Variants in PRR16 observed in about 807,000 individuals in gnomAD.
PRR16 encodes proline rich 16.
In PRR16, 6 loss-of-function variants were observed where a neutral mutation model predicts 18.2. The observed-to-expected ratio is 0.33, with a 90% CI of 0.18 to 0.65. The LOEUF (loss-of-function observed/expected upper bound fraction) is 0.65. Ranked by LOEUF, PRR16 falls within the 30% of genes least tolerant of loss-of-function variation. The probability of loss-of-function intolerance (pLI) is 0.74; values close to 1 mark genes in which losing one functional copy is unlikely to be tolerated. For missense variants in PRR16, 412 were observed against 376.6 expected, an observed-to-expected ratio of 1.09 and a Z score of -0.78; for synonymous variants, 151 against 147.8, an observed-to-expected ratio of 1.02 and a Z score of -0.16.
chr5:120,478,858 A>G (rs1426242015), intron 1 of PRR16, among the ~76,000 whole-genome samples: 3 of 152,060 alleles, frequency 2.0e-5, no homozygotes, highest in Non-Finnish European at 4.4e-5. Context: ...CTGGAATATC[A>G]TGCATTTTTC....
chr5:120,465,343 G>A (rs956829151), intron 1 of PRR16, among the ~76,000 whole-genome samples: 7 of 152,334 alleles, frequency 4.6e-5, no homozygotes, highest in African/African-American at 1.4e-4. Flanking sequence ...CTTCCACCCT[G>A]TCGCCACTTG....
At chr5:120,785,176 GTTA>G in the PRR16 span, among the ~76,000 whole-genome samples, 19 of 152,158 alleles carry the variant, frequency 1.2e-4, no homozygotes, top group Admixed American at 7.2e-4. Flanking sequence ...GGCAGTATTG[GTTA>G]TTTTTTTTCC....
At position 120,686,684 on chromosome 5, in the gene PRR16, G is replaced by C. The variant is rs1229000094; in HGVS notation, c.890G>C (p.Arg297Thr). ...TAPKPQKTIL[R>T]KSTTTTV ...CCAAAACCACAGAAGACGATCTTGA[G>C]GAAGTCAACCACTACAACCGTGTGA... The change falls in exon 2 of 2, where the codon AGG becomes ACG. Residue 297 changes from arginine to threonine, a missense_variant. Arg to Thr is a moderately conservative substitution (Grantham distance 71). Transcript: ENST00000407149. 1.3e-6 allele frequency: 2 copies of C among 1,557,288 alleles called. No individual in the cohort carries two copies. Among genetic ancestry groups the C allele is most frequent in the South Asian group, 1.2e-5 (1 of 82,092 alleles).
chr5:120,670,585 A>C (rs1000220878), intron 1 of PRR16, among the ~76,000 whole-genome samples: 6 of 152,190 alleles, frequency 3.9e-5, no homozygotes, highest in African/African-American at 1.4e-4. Context: ...TGATTAAATC[A>C]GTCAGGAAGG....
At chr5:120,660,504 C>T (rs1413319619) in intron 1 of PRR16, among the ~76,000 whole-genome samples, 2 of 152,048 alleles carry the variant, frequency 1.3e-5, no homozygotes, top group Admixed American at 6.6e-5. Context: ...ATTATGAACA[C>T]TTTTAAGCAT....
At chr5:120,624,316 C>A (rs1372277233) in intron 1 of PRR16, among the ~76,000 whole-genome samples, 1 of 152,150 alleles carries the variant, frequency 6.6e-6, no homozygotes, top group Non-Finnish European at 1.5e-5. Flanking sequence ...GCTTGTTTCA[C>A]TCATATTTGA....
chr5:120,661,221 C>A (rs147497328), intron 1 of PRR16, among the ~76,000 whole-genome samples: 5,138 of 152,132 alleles, frequency 0.034, 145 homozygotes, highest in Middle Eastern at 0.15. Context: ...CACTTTACAG[C>A]AACCAGATAT....
chr5:120,704,184 G>A, the PRR16 span, among the ~76,000 whole-genome samples: 1 of 152,270 alleles, frequency 6.6e-6, no homozygotes, highest in South Asian at 2.1e-4. Flanking sequence ...AATTTTGTTG[G>A]TGGTGGAGAA....
At chr5:120,759,991 G>A in the PRR16 span, among the ~76,000 whole-genome samples, 9 of 152,228 alleles carry the variant, frequency 5.9e-5, no homozygotes, top group East Asian at 1.9e-4. Flanking sequence ...GTGTGTAAAA[G>A]GTGCTAATCT....
the PRR16 span, chr5:120,710,777 C>T: frequency 6.6e-6 from 1 of 152,188 alleles, no homozygotes; most frequent in African/African-American, 2.4e-5. Flanking sequence ...GAAAAGTTTT[C>T]AGTTAGCAAG....
At chr5:120,586,483 CT>C (rs1294229912) in intron 1 of PRR16, among the ~76,000 whole-genome samples, 6 of 151,370 alleles carry the variant, frequency 4.0e-5, no homozygotes, top group African/African-American at 1.5e-4. Context: ...TTTGTCAGCA[CT>C]TTTTTTTTCT....
intron 1 of PRR16, among the ~76,000 whole-genome samples, chr5:120,475,998 G>T (rs1749429577): frequency 6.6e-6 from 1 of 152,120 alleles, no homozygotes; most frequent in South Asian, 2.1e-4. Context: ...TTGCTGAGAA[G>T]AGGATTTTGA....
chr5:120,592,566 G>A (rs546995519), intron 1 of PRR16, among the ~76,000 whole-genome samples: 2 of 152,222 alleles, frequency 1.3e-5, no homozygotes, highest in African/African-American at 4.8e-5. Flanking sequence ...TTTTGTGGTG[G>A]TTTATTTCCA....
chr5:120,584,087 G>A (rs1753360760), intron 1 of PRR16, among the ~76,000 whole-genome samples: 1 of 152,104 alleles, frequency 6.6e-6, no homozygotes, highest in Admixed American at 6.6e-5. Context: ...AGCAAGGGAG[G>A]TCTTCTAGGC....
At chr5:120,579,363 T>G (rs754810757) in intron 1 of PRR16, among the ~76,000 whole-genome samples, 1 of 152,198 alleles carries the variant, frequency 6.6e-6, no homozygotes, top group Non-Finnish European at 1.5e-5. Context: ...TAGGTTTTCT[T>G]CTAGGGTTTT....
chr5:120,505,793 TGATATA>T (rs920367671), intron 1 of PRR16, among the ~76,000 whole-genome samples: 5 of 151,910 alleles, frequency 3.3e-5, no homozygotes, highest in African/African-American at 4.8e-5. Context: ...TACTTTAAAC[TGATATA>T]GATATATACA....
chr5:120,735,375 T>A, the PRR16 span, among the ~76,000 whole-genome samples: 1 of 152,184 alleles, frequency 6.6e-6, no homozygotes, highest in Non-Finnish European at 1.5e-5. Context: ...TGGATATACA[T>A]TCAAAAGTGG....
intron 1 of PRR16, among the ~76,000 whole-genome samples, chr5:120,633,339 C>A (rs967144702): frequency 7.2e-5 from 11 of 152,050 alleles, no homozygotes; most frequent in African/African-American, 2.7e-4. Flanking sequence ...AGGAAACAAA[C>A]AGCATGATGA....
chr5:120,552,978 G>T (rs1196613148), intron 1 of PRR16, among the ~76,000 whole-genome samples: 1 of 151,748 alleles, frequency 6.6e-6, no homozygotes, highest in Non-Finnish European at 1.5e-5. Flanking sequence ...TCAACCCTCT[G>T]GATGACATAG....
Sources: gnomAD v4.1 joint callset for allele counts (sites outside exome capture counted in the v4.1 genomes callset) on GRCh38, gnomAD v4.1.1 for gene constraint, MANE v1.5 for transcripts, NCBI Gene and HGNC (gene_info 2026-07-23, HGNC 2026-07-21) for gene names.